The following NT5C2 variants were observed in gnomAD, a reference collection of about 807,000 sequenced individuals.
NT5C2 encodes 5'-nucleotidase, cytosolic II.
A neutral mutation model predicts 76.1 loss-of-function variants in NT5C2; 58 were observed. The observed-to-expected ratio is 0.76, with a 90% CI of 0.62 to 0.95. The LOEUF is 0.95. Ranked by LOEUF, NT5C2 falls within the 40% of genes least tolerant of loss-of-function variation. The probability of loss-of-function intolerance (pLI) is 0.00; values close to 1 mark genes in which losing one functional copy is unlikely to be tolerated. For synonymous variants in NT5C2, 229 were observed against 237.4 expected, an observed-to-expected ratio of 0.96 and a Z score of 0.32; for missense variants, 478 against 690.3, an observed-to-expected ratio of 0.69 and a Z score of 3.45.
intron 13 of NT5C2, 74 bp from the exon 14 acceptor site, chr10:103,094,112 A>AACCC: frequency 1.4e-6 from 1 of 710,880 alleles, no homozygotes; most frequent in Non-Finnish European, 2.0e-6. Context: ...CAACCCTCCC[A>AACCC]TCCCACCCCC....
chr10:103,131,164 GC>G (rs2078101245), intron 4 of NT5C2, among the ~76,000 whole-genome samples: 1 of 152,174 alleles, frequency 6.6e-6, no homozygotes, highest in Non-Finnish European at 1.5e-5. Flanking sequence ...GATGTCCTAT[GC>G]AGACACTTCA....
At chr10:103,179,132 A>G (rs1727982463) in intron 2 of NT5C2, among the ~76,000 whole-genome samples, 2 of 151,688 alleles carry the variant, frequency 1.3e-5, no homozygotes, top group South Asian at 4.2e-4. Flanking sequence ...TATTTTTAGT[A>G]CAGACGGAGT....
At chr10:103,114,805 A>G (rs1387888042) in intron 4 of NT5C2, among the ~76,000 whole-genome samples, 1 of 152,242 alleles carries the variant, frequency 6.6e-6, no homozygotes, top group African/African-American at 2.4e-5. Flanking sequence ...GTGGACCCCT[A>G]TAATCGTCTG....
intron 10 of NT5C2, chr10:103,098,553 A>G (rs1384480041): frequency 5.1e-6 from 1 of 195,090 alleles, no homozygotes; most frequent in Non-Finnish European, 1.0e-5. Flanking sequence ...AGAGGCAACA[A>G]TAATACCTAA....
intron 1 of NT5C2, among the ~76,000 whole-genome samples, chr10:103,181,582 A>G (rs924098183): frequency 4.6e-5 from 7 of 152,350 alleles, no homozygotes; most frequent in African/African-American, 1.7e-4. Flanking sequence ...CACTATCTTT[A>G]AACTACAATG....
intron 4 of NT5C2, among the ~76,000 whole-genome samples, chr10:103,127,217 C>T (rs1327566233): frequency 6.6e-6 from 1 of 152,098 alleles, no homozygotes; most frequent in Non-Finnish European, 1.5e-5. Flanking sequence ...ACATAAGGAG[C>T]TAAATACAAA....
At chr10:103,187,568 A>C (rs1369596091) in intron 1 of NT5C2, among the ~76,000 whole-genome samples, 1 of 151,816 alleles carries the variant, frequency 6.6e-6, no homozygotes, top group Non-Finnish European at 1.5e-5. Flanking sequence ...AAAAAAAAAA[A>C]AAAACTTTTA....
chr10:103,095,895 T>C, intron 12 of NT5C2, 44 bp downstream of exon 12: 1 of 1,527,288 alleles, frequency 6.5e-7, no homozygotes, highest in Non-Finnish European at 9.1e-7. Context: ...ATTAAATGCA[T>C]TCATTGTTAT....
chr10:103,180,381 G>GA (rs2090845016), intron 2 of NT5C2, among the ~76,000 whole-genome samples: 1 of 152,172 alleles, frequency 6.6e-6, no homozygotes, highest in Admixed American at 6.5e-5. Flanking sequence ...ATATGTCCCA[G>GA]ACTTTCTAAT....
intron 4 of NT5C2, among the ~76,000 whole-genome samples, chr10:103,137,299 A>G (rs1279071950): frequency 6.6e-6 from 1 of 152,246 alleles, no homozygotes; most frequent in African/African-American, 2.4e-5. Context: ...AAGTGCTCCT[A>G]AAAGTGTCTG....
chr10:103,144,606 T>G (rs1003656596), intron 3 of NT5C2, among the ~76,000 whole-genome samples: 1 of 152,234 alleles, frequency 6.6e-6, no homozygotes, highest in Non-Finnish European at 1.5e-5. Flanking sequence ...GAATAACATA[T>G]TTCAGGAATA....
At chr10:103,135,538 GC>G (rs2079015158) in intron 4 of NT5C2, among the ~76,000 whole-genome samples, 2 of 152,162 alleles carry the variant, frequency 1.3e-5, no homozygotes, top group African/African-American at 4.8e-5. Flanking sequence ...ACTTTGGGAG[GC>G]CGAGGCAGGC....
intron 3 of NT5C2, among the ~76,000 whole-genome samples, chr10:103,142,164 C>A (rs2080555089): frequency 6.6e-6 from 1 of 151,836 alleles, no homozygotes; most frequent in Admixed American, 6.6e-5. Context: ...GGGGAAGGAG[C>A]AATAAAAGCT....
In NT5C2 at chr10:103,131,319, G is replaced by C. The variant is rs138006601; in HGVS notation, c.175+8087C>G. ...AATAGCCAATTCATAGATTATGCTAGACAGATAGTTTTATAGTTCATTCTA... is the reference window on the plus strand; with the variant it reads ...AATAGCCAATTCATAGATTATGCTACACAGATAGTTTTATAGTTCATTCTA... On this transcript the variant is annotated intron_variant, in intron 4 of 18. Transcript: ENST00000404739. Among the ~76,000 whole-genome samples the C allele has an allele frequency of 7.6e-4, 115 of 152,284 alleles. 1 individual carries two copies. Among genetic ancestry groups the C allele is most frequent in the African/African-American group, 2.7e-3 (111 of 41,568 alleles).
intron 2 of NT5C2, among the ~76,000 whole-genome samples, chr10:103,178,954 C>CTT (rs758982511): frequency 7.8e-6 from 1 of 128,482 alleles, no homozygotes; most frequent in African/African-American, 2.9e-5. Flanking sequence ...TTCTTTTTTT[C>CTT]TTTTTTTTTT....
At chr10:103,125,930 T>C (rs2076565692) in intron 4 of NT5C2, among the ~76,000 whole-genome samples, 1 of 152,224 alleles carries the variant, frequency 6.6e-6, no homozygotes, top group Non-Finnish European at 1.5e-5. Context: ...AACAACTTTC[T>C]TGCTCTGTCC....
chr10:103,172,784 G>C (rs1165748326), intron 3 of NT5C2, among the ~76,000 whole-genome samples: 1 of 152,184 alleles, frequency 6.6e-6, no homozygotes. Flanking sequence ...GCAGTGAGCT[G>C]AGATCGCATC....
intron 1 of NT5C2, among the ~76,000 whole-genome samples, chr10:103,181,687 C>T (rs888149111): frequency 3.3e-5 from 5 of 152,144 alleles, no homozygotes; most frequent in Non-Finnish European, 7.3e-5. Context: ...ATATTCTTCA[C>T]GCCCAAACTG....
At chr10:103,090,905 C>T in intron 17 of NT5C2, 31 bp downstream of exon 17, 1 of 1,608,142 alleles carries the variant, frequency 6.2e-7, no homozygotes, top group Non-Finnish European at 8.5e-7. Flanking sequence ...AACTTATTTC[C>T]CAAGTTTTCT....
Sources: allele counts gnomAD v4.1 joint callset (sites outside exome capture counted in the v4.1 genomes callset), GRCh38; gene constraint gnomAD v4.1.1; transcripts MANE v1.5; gene names NCBI Gene and HGNC (gene_info 2026-07-23, HGNC 2026-07-21).